Variants in PPP4R3B observed in about 807,000 individuals in gnomAD.
PPP4R3B encodes serine/threonine-protein phosphatase 4 regulatory subunit 3B.
PPP4R3B carries 52 observed loss-of-function variants against 95.4 expected under a neutral mutation model. The ratio of observed to expected loss-of-function variants is 0.54; its 90% CI spans 0.44 to 0.69. The LOEUF (loss-of-function observed/expected upper bound fraction) is 0.69. PPP4R3B is among the 30% of genes least tolerant of loss of function. PPP4R3B has a pLI of 0.00. For missense variants in PPP4R3B, 1,003 were observed against 1,005.9 expected, an observed-to-expected ratio of 1.00 and a Z score of 0.04; for synonymous variants, 407 against 343.9, an observed-to-expected ratio of 1.18 and a Z score of -2.03.
rs1559073131 is a variant in PPP4R3B at position 55,617,436 on chromosome 2, C to G, written c.-151G>C. 5 of 942,492 alleles carry G rather than the reference C, an allele frequency of 5.3e-6. No individual in the cohort carries two copies. The highest frequency in any genetic ancestry group is 7.3e-6 in the Non-Finnish European group (5 of 684,318). The allele number at this position is 942,492 out of a possible 1,614,324, so 58.4% of individuals were successfully genotyped here. A position where few individuals can be genotyped will look rare whatever the true frequency, so the allele number is the denominator to read the frequency against. ...ATTCACCATGGCTCCAAAGGTTCAGCCGCGAGAAGGGGTGACAAGAGCCAC... is the reference window on the plus strand; with the variant it reads ...ATTCACCATGGCTCCAAAGGTTCAGGCGCGAGAAGGGGTGACAAGAGCCAC... On this transcript the variant is annotated 5_prime_UTR_variant, in exon 1 of 17. Coordinates refer to ENST00000616407, the MANE Select transcript of PPP4R3B (RefSeq NM_001122964.3).
At chr2:55,604,170 A>C (rs1199717948) in intron 2 of PPP4R3B, 94 bp from the exon 3 acceptor site, 3 of 843,052 alleles carry the variant, frequency 3.6e-6, no homozygotes, top group East Asian at 5.6e-5. Context: ...ACAACACAGC[A>C]ATGACAAATG....
rs545517387 is a variant in PPP4R3B at position 55,560,778 on chromosome 2, GAAAAAAAAAAAAAAAAA to G, written c.2261-1827_2261-1811del. On this transcript the variant is annotated intron_variant, in intron 15 of 16. Coordinates refer to ENST00000616407, the MANE Select transcript of PPP4R3B (RefSeq NM_001122964.3). ...GGCAACAGAGAGAGACTCCATCTCA[GAAAAAAAAAAAAAAAAA>G]AAAAAAAAAAAAAAAAGAGGCCTTC... Among the ~76,000 whole-genome samples, 625 of 91,412 alleles carry G rather than the reference GAAAAAAAAAAAAAAAAA, an allele frequency of 6.8e-3. 7 individuals carry two copies. The highest frequency in any genetic ancestry group is 0.014 in the African/African-American group (305 of 21,588). 60.0% of individuals were successfully genotyped at this position (91,412 alleles called of 152,430 possible). A position where few individuals can be genotyped will look rare whatever the true frequency, so the allele number is the denominator to read the frequency against.
chr2:55,598,151 C>T (rs939706760), intron 4 of PPP4R3B, among the ~76,000 whole-genome samples: 40 of 152,204 alleles, frequency 2.6e-4, no homozygotes, highest in African/African-American at 8.4e-4. Flanking sequence ...ACCCGGGAAG[C>T]GTAGGTTGCA....
intron 4 of PPP4R3B, among the ~76,000 whole-genome samples, chr2:55,594,840 T>C (rs1234988360): frequency 6.6e-6 from 1 of 152,138 alleles, no homozygotes; most frequent in East Asian, 1.9e-4. Context: ...CCCACACTCA[T>C]TATTGGTGAA....
At position 55,564,897 on chromosome 2, in the gene PPP4R3B, A is replaced by C. The variant is rs1193921219; in HGVS notation, c.2075+5T>G. ...GGCTATAAAAGCAGTATACTTAAAC[A>C]ATACCTGTTCAGTTTCTGATTTTGT... On this transcript the variant is annotated splice_donor_5th_base_variant and intron_variant, in intron 14 of 16. Transcript: ENST00000616407. The C allele has an allele frequency of 1.2e-6, 2 of 1,608,966 alleles. No homozygotes were observed. The highest frequency in any genetic ancestry group is 1.7e-6 in the Non-Finnish European group (2 of 1,178,560).
intron 4 of PPP4R3B, among the ~76,000 whole-genome samples, chr2:55,596,103 A>G (rs2103617018): frequency 6.6e-6 from 1 of 152,326 alleles, no homozygotes; most frequent in Middle Eastern, 3.4e-3. Context: ...ACATACTCGT[A>G]TACACCCCAA....
chr2:55,585,303 C>T (rs1318013484), intron 6 of PPP4R3B, 136 bp from the exon 7 acceptor site: 1 of 527,222 alleles, frequency 1.9e-6, no homozygotes, highest in African/African-American at 2.0e-5. Context: ...ATGTGTATAA[C>T]CTTGCCAGTA....
At chr2:55,586,197 A>G (rs13009239) in intron 6 of PPP4R3B, among the ~76,000 whole-genome samples, 34,712 of 152,080 alleles carry the variant, frequency 0.23, 4,107 homozygotes, top group East Asian at 0.35. Flanking sequence ...GAATGCTTTA[A>G]AAATTTGTTT....
chr2:55,577,425 A>G (rs1179277148), intron 10 of PPP4R3B, 69 bp from the exon 11 acceptor site: 4 of 1,297,092 alleles, frequency 3.1e-6, no homozygotes, highest in Non-Finnish European at 4.0e-6. Context: ...CTAGTACTTT[A>G]TAATATACAA....
intron 7 of PPP4R3B, among the ~76,000 whole-genome samples, chr2:55,581,929 A>C (rs1558994658): frequency 6.6e-6 from 1 of 152,126 alleles, no homozygotes. Flanking sequence ...AGGAGGAAAA[A>C]AAACCCACAA....
At chr2:55,595,796 C>T (rs958834167) in intron 4 of PPP4R3B, among the ~76,000 whole-genome samples, 3 of 150,738 alleles carry the variant, frequency 2.0e-5, no homozygotes, top group Non-Finnish European at 2.9e-5. Context: ...AGGAAAACCT[C>T]ATAAATGCCT....
At chr2:55,579,909 A>C (rs1365011415) in intron 8 of PPP4R3B, 128 bp from the exon 9 acceptor site, 1 of 454,450 alleles carries the variant, frequency 2.2e-6, no homozygotes, top group African/African-American at 2.1e-5. Flanking sequence ...ATCATATATA[A>C]GCAGATACTT....
At chr2:55,576,397 A>G (rs1688665841) in intron 11 of PPP4R3B, among the ~76,000 whole-genome samples, 2 of 151,222 alleles carry the variant, frequency 1.3e-5, no homozygotes, top group South Asian at 4.2e-4. Context: ...TTTTATTACA[A>G]AATATTTTTT....
chr2:55,564,260 A>G, intron 15 of PPP4R3B, 53 bp downstream of exon 15: 1 of 1,432,004 alleles, frequency 7.0e-7, no homozygotes, highest in Non-Finnish European at 9.3e-7. Context: ...CAACAAAATA[A>G]TTTCTGCACT....
At chr2:55,566,290 C>T (rs774768403) in intron 13 of PPP4R3B, among the ~76,000 whole-genome samples, 12 of 151,940 alleles carry the variant, frequency 7.9e-5, no homozygotes, top group South Asian at 2.1e-4. Flanking sequence ...ATATGTGAAA[C>T]GAAAAAATAC....
chr2:55,585,170 G>A lies in PPP4R3B; in HGVS notation c.1117-3C>T. On this transcript the variant is annotated splice_polypyrimidine_tract_variant and splice_region_variant and intron_variant, in intron 6 of 16. Coordinates refer to ENST00000616407, the MANE Select transcript of PPP4R3B (RefSeq NM_001122964.3). ...CTGACTTGCAAATCATCCATGCCCT[G>A]ATAAAAGGAAAATTAGGTTACTTAG... 2.5e-6 allele frequency: 4 copies of A among 1,581,942 alleles called. No individual in the cohort carries two copies. In the South Asian group the frequency reaches 4.7e-5, roughly 19 times the overall value.
intron 13 of PPP4R3B, among the ~76,000 whole-genome samples, chr2:55,566,926 G>A (rs1687380384): frequency 6.6e-6 from 1 of 152,182 alleles, no homozygotes; most frequent in African/African-American, 2.4e-5. Context: ...GGATCTGCTT[G>A]AGCCCAGGAG....
intron 4 of PPP4R3B, among the ~76,000 whole-genome samples, chr2:55,597,141 T>G (rs1451166630): frequency 6.6e-6 from 1 of 152,158 alleles, no homozygotes; most frequent in African/African-American, 2.4e-5. Flanking sequence ...TAGTGGTAAC[T>G]GCTGCATAAC....
chr2:55,569,740 C>T (rs1328427368), intron 12 of PPP4R3B, among the ~76,000 whole-genome samples: 1 of 152,110 alleles, frequency 6.6e-6, no homozygotes, highest in Non-Finnish European at 1.5e-5. Flanking sequence ...CATTCGGGGC[C>T]ACTACCGGTC....
Sources: gnomAD v4.1 joint callset for allele counts (sites outside exome capture counted in the v4.1 genomes callset) on GRCh38, gnomAD v4.1.1 for gene constraint, MANE v1.5 for transcripts, NCBI Gene and HGNC (gene_info 2026-07-23, HGNC 2026-07-21) for gene names.